Variants in CFAP299 observed in about 807,000 individuals in gnomAD.
CFAP299 encodes cilia- and flagella-associated protein 299.
CFAP299 carries 21 observed loss-of-function variants against 27.0 expected under a neutral mutation model. The observed-to-expected ratio is 0.78, with a 90% CI of 0.55 to 1.12. The LOEUF (loss-of-function observed/expected upper bound fraction) is 1.12. Among genes scored for constraint, CFAP299 ranks in the 50% most tolerant of loss-of-function variants. The pLI is 0.00. For synonymous variants in CFAP299, 104 were observed against 98.1 expected, an observed-to-expected ratio of 1.06 and a Z score of -0.36; for missense variants, 310 against 276.6, an observed-to-expected ratio of 1.12 and a Z score of -0.86.
chr4:80,641,543 T>G lies in CFAP299; in HGVS notation c.333+58360T>G, dbSNP rs553791207. The stretch of plus-strand genomic sequence containing the variant: ...ATCCAAGTTCAAAATGGTATTTAGC[T>G]GAAGATTGCCCTACATTTTGCCCTA... On this transcript the variant is annotated intron_variant, in intron 3 of 5. Transcript: ENST00000358105. Among the ~76,000 whole-genome samples the G allele has an allele frequency of 1.0e-3, 154 of 152,292 alleles. 2 individuals carry two copies. Among genetic ancestry groups the G allele is most frequent in the Non-Finnish European group, 5.7e-4 (39 of 68,002 alleles).
chr4:80,539,137 C>T (rs986040102), intron 2 of CFAP299, among the ~76,000 whole-genome samples: 2 of 152,180 alleles, frequency 1.3e-5, no homozygotes, highest in Non-Finnish European at 2.9e-5. Flanking sequence ...TCATTTTTCA[C>T]GTTTGTAGCT....
At chr4:80,606,524 G>T (rs1737686863) in intron 3 of CFAP299, among the ~76,000 whole-genome samples, 1 of 152,254 alleles carries the variant, frequency 6.6e-6, no homozygotes, top group East Asian at 1.9e-4. Flanking sequence ...AACAGAGCGA[G>T]AATCTGTTTT....
At chr4:80,688,793 G>GA (rs1248668912) in intron 3 of CFAP299, among the ~76,000 whole-genome samples, 7 of 151,802 alleles carry the variant, frequency 4.6e-5, no homozygotes, top group Non-Finnish European at 8.8e-5. Context: ...TGAAAACTTT[G>GA]AAAAAAATTT....
At chr4:80,889,803 T>A (rs1734163054) in intron 4 of CFAP299, among the ~76,000 whole-genome samples, 1 of 152,158 alleles carries the variant, frequency 6.6e-6, no homozygotes, top group South Asian at 2.1e-4. Flanking sequence ...ATCCCAGGGA[T>A]GCAAGGATGG....
chr4:80,471,365 A>T (rs535677042), intron 2 of CFAP299, among the ~76,000 whole-genome samples: 25 of 151,998 alleles, frequency 1.6e-4, no homozygotes, highest in Non-Finnish European at 2.5e-4. Flanking sequence ...CATTATTGTT[A>T]TTGGTATATT....
chr4:80,473,343 A>C (rs1321650184), intron 2 of CFAP299, among the ~76,000 whole-genome samples: 2 of 152,198 alleles, frequency 1.3e-5, no homozygotes, highest in South Asian at 2.1e-4. Context: ...AGACAAACTA[A>C]GTAAAATAAG....
chr4:80,515,255 T>C (rs531392623), intron 2 of CFAP299, among the ~76,000 whole-genome samples: 26 of 152,292 alleles, frequency 1.7e-4, no homozygotes, highest in Admixed American at 1.6e-3. Context: ...AATATATTTG[T>C]GCATAGAGGC....
At chr4:80,615,679 G>A (rs141812642) in intron 3 of CFAP299, among the ~76,000 whole-genome samples, 160 of 152,098 alleles carry the variant, frequency 1.1e-3, no homozygotes, top group African/African-American at 3.6e-3. Flanking sequence ...TGGGATCCCA[G>A]GTGTGAACCA....
At chr4:80,916,521 G>A (rs1735775982) in intron 4 of CFAP299, among the ~76,000 whole-genome samples, 1 of 151,650 alleles carries the variant, frequency 6.6e-6, no homozygotes, top group African/African-American at 2.4e-5. Flanking sequence ...CTCAAGCATA[G>A]GTCTAAGTTG....
At chr4:80,935,898 A>T (rs1041326856) in intron 4 of CFAP299, among the ~76,000 whole-genome samples, 4 of 152,202 alleles carry the variant, frequency 2.6e-5, no homozygotes, top group African/African-American at 9.6e-5. Context: ...AAGTGGGTAA[A>T]GTACATGAAC....
chr4:80,338,920 T>C (rs575842919), intron 1 of CFAP299, among the ~76,000 whole-genome samples: 1 of 152,228 alleles, frequency 6.6e-6, no homozygotes, highest in Non-Finnish European at 1.5e-5. Flanking sequence ...AATAATCATA[T>C]AATCTGTGCC....
chr4:80,577,233 C>T (rs77633992), intron 2 of CFAP299, among the ~76,000 whole-genome samples: 6,449 of 152,110 alleles, frequency 0.042, 424 homozygotes, highest in African/African-American at 0.14. Context: ...TATAAATATA[C>T]TTCCTATTAG....
chr4:80,541,426 A>C (rs980344017), intron 2 of CFAP299, among the ~76,000 whole-genome samples: 1 of 152,204 alleles, frequency 6.6e-6, no homozygotes, highest in African/African-American at 2.4e-5. Flanking sequence ...TATATGTACA[A>C]GAACCTTAGG....
intron 2 of CFAP299, among the ~76,000 whole-genome samples, chr4:80,576,622 A>G (rs962090997): frequency 1.3e-5 from 2 of 152,160 alleles, no homozygotes; most frequent in Admixed American, 6.6e-5. Context: ...TCTGTAAGCT[A>G]TGTTTTCATA....
intron 4 of CFAP299, among the ~76,000 whole-genome samples, chr4:80,900,130 G>GTGTGTT (rs1734814655): frequency 6.7e-6 from 1 of 148,622 alleles, no homozygotes. Context: ...GAAAGTGTGT[G>GTGTGTT]TGTGTGTGTG....
intron 4 of CFAP299, among the ~76,000 whole-genome samples, chr4:80,883,173 A>G (rs759309626): frequency 3.3e-5 from 5 of 152,160 alleles, no homozygotes; most frequent in Admixed American, 6.5e-5. Flanking sequence ...TGAAGAAGAA[A>G]AGTTGAGAGT....
At chr4:80,647,558 A>G (rs1375327822) in intron 3 of CFAP299, among the ~76,000 whole-genome samples, 1 of 152,070 alleles carries the variant, frequency 6.6e-6, no homozygotes, top group Non-Finnish European at 1.5e-5. Flanking sequence ...AAACCCACCG[A>G]CTGTGCCCAC....
chr4:80,911,527 T>A (rs78945764), intron 4 of CFAP299, among the ~76,000 whole-genome samples: 3,080 of 152,302 alleles, frequency 0.02, 56 homozygotes, highest in Middle Eastern at 0.044. Context: ...TTTTATGCCA[T>A]TATTTGTCTG....
At chr4:80,914,435 C>T (rs1056618654) in intron 4 of CFAP299, among the ~76,000 whole-genome samples, 18 of 152,028 alleles carry the variant, frequency 1.2e-4, no homozygotes, top group Admixed American at 1.1e-3. Flanking sequence ...AATTTTTGTC[C>T]TGTGCATTGT....
Sources: allele counts gnomAD v4.1 joint callset (sites outside exome capture counted in the v4.1 genomes callset), GRCh38; gene constraint gnomAD v4.1.1; transcripts MANE v1.5; gene names NCBI Gene and HGNC (gene_info 2026-07-23, HGNC 2026-07-21).